The following MAP2K5 variants were observed in gnomAD, a reference collection of about 807,000 sequenced individuals.
MAP2K5 encodes the protein dual specificity mitogen-activated protein kinase kinase 5.
MAP2K5 carries 49 observed loss-of-function variants against 83.1 expected under a neutral mutation model. The ratio of observed to expected loss-of-function variants is 0.59; its 90% CI spans 0.47 to 0.75. The LOEUF (loss-of-function observed/expected upper bound fraction) is 0.75. MAP2K5 is among the 30% of genes least tolerant of loss of function. The probability of loss-of-function intolerance (pLI) is 0.00; values close to 1 mark genes in which losing one functional copy is unlikely to be tolerated. For synonymous variants in MAP2K5, 202 were observed against 191.8 expected (o/e 1.05, Z -0.44); for missense variants, 457 against 557.5 (o/e 0.82, Z 1.82).
intron 11 of MAP2K5, among the ~76,000 whole-genome samples, chr15:67,647,546 A>G (rs751059439): frequency 2.0e-5 from 3 of 152,030 alleles, no homozygotes; most frequent in Non-Finnish European, 4.4e-5. Context: ...CAGGAGTTTG[A>G]GACCAGCATA....
At chr15:67,560,090 A>G (rs2084703804) in intron 2 of MAP2K5, among the ~76,000 whole-genome samples, 1 of 152,230 alleles carries the variant, frequency 6.6e-6, no homozygotes. Flanking sequence ...TTTGTTCAGA[A>G]AAGTATTTTA....
intron 8 of MAP2K5, among the ~76,000 whole-genome samples, chr15:67,612,292 A>G (rs978283759): frequency 2.0e-5 from 3 of 152,140 alleles, no homozygotes; most frequent in Admixed American, 6.6e-5. Flanking sequence ...ATTGGAGAAT[A>G]ACACCTTCCC....
chr15:67,779,534 C>T lies in MAP2K5; in HGVS notation c.1242+6782C>T, dbSNP rs186567423. Among the ~76,000 whole-genome samples the T allele has an allele frequency of 2.6e-4, 39 of 152,332 alleles. No homozygotes were observed. The highest frequency in any genetic ancestry group is 3.9e-4 in the Admixed American group (6 of 15,300). On this transcript the variant is annotated intron_variant, in intron 21 of 21. Coordinates refer to ENST00000178640, the MANE Select transcript of MAP2K5 (RefSeq NM_145160.3). This position sits in a 1 kb window ranked among gnomAD's most constrained non-coding sequence, Gnocchi z 4.6. ...GTATGTATATGTCTTTATATGCATG[C>T]GCATAGCAAGAGAGATATAGATAAA...
rs2090269381 is a variant in MAP2K5 at position 67,778,093 on chromosome 15, A to AGCCTTACATTACCACCTCTT, written c.1242+5342_1242+5343insCCTTACATTACCACCTCTTG. Among the ~76,000 whole-genome samples, 1 of 152,216 alleles carries AGCCTTACATTACCACCTCTT rather than the reference A, an allele frequency of 6.6e-6. No individual in the cohort carries two copies. The highest frequency in any genetic ancestry group is 1.5e-5 in the Non-Finnish European group (1 of 68,046). On this transcript the variant is annotated intron_variant, in intron 21 of 21. Coordinates refer to ENST00000178640, the MANE Select transcript of MAP2K5 (RefSeq NM_145160.3). This position sits in a 1 kb window ranked among gnomAD's most constrained non-coding sequence, Gnocchi z 5.0. Reference sequence around the variant, plus strand: ...TCTCAGCTAAGGCTTTATGTATAAGAGGTGGTAATGTTTGGGGGCTAATAA... The same window carrying AGCCTTACATTACCACCTCTT: ...TCTCAGCTAAGGCTTTATGTATAAGAGCCTTACATTACCACCTCTTGGTGGTAATGTTTGGGGGCTAATAA...
At chr15:67,730,967 A>G (rs1219333561) in intron 17 of MAP2K5, among the ~76,000 whole-genome samples, 1 of 152,184 alleles carries the variant, frequency 6.6e-6, no homozygotes, top group African/African-American at 2.4e-5. Flanking sequence ...TCTAATGCCT[A>G]CCTCTTCTAT....
chr15:67,582,552 G>A (rs546394595), intron 4 of MAP2K5, among the ~76,000 whole-genome samples: 2 of 152,222 alleles, frequency 1.3e-5, no homozygotes, highest in South Asian at 4.2e-4. Flanking sequence ...GGGCACAGTG[G>A]TTCATGCCTG....
chr15:67,582,055 A>ATTTTTTT (rs1233297576), intron 4 of MAP2K5, among the ~76,000 whole-genome samples: 1 of 134,866 alleles, frequency 7.4e-6, no homozygotes. Context: ...GATGTAGATG[A>ATTTTTTT]TTTCTTTTTT....
intron 1 of MAP2K5, among the ~76,000 whole-genome samples, chr15:67,547,077 AACACACACAC>A (rs59269114): frequency 2.1e-5 from 3 of 144,092 alleles, no homozygotes; most frequent in Non-Finnish European, 4.5e-5. Context: ...AAAAGAAGAA[AACACACACAC>A]ACACACACAC....
At chr15:67,740,736 G>T (rs565230891) in intron 17 of MAP2K5, among the ~76,000 whole-genome samples, 9 of 152,268 alleles carry the variant, frequency 5.9e-5, no homozygotes, top group Non-Finnish European at 1.2e-4. Flanking sequence ...TATCAGAAAT[G>T]TGAATGCATG....
intron 17 of MAP2K5, among the ~76,000 whole-genome samples, chr15:67,731,843 C>T (rs149564885): frequency 3.3e-5 from 5 of 152,170 alleles, no homozygotes; most frequent in Admixed American, 1.3e-4. Context: ...GCCCCACAAC[C>T]CTTCTTCTAG....
intron 17 of MAP2K5, among the ~76,000 whole-genome samples, chr15:67,731,692 G>T (rs1316941379): frequency 6.6e-6 from 1 of 152,148 alleles, no homozygotes; most frequent in Non-Finnish European, 1.5e-5. Context: ...GCCAACTCAG[G>T]CTCAGAGAGG....
intron 8 of MAP2K5, among the ~76,000 whole-genome samples, chr15:67,630,326 A>G (rs762014102): frequency 6.6e-6 from 1 of 152,228 alleles, no homozygotes; most frequent in African/African-American, 2.4e-5. Context: ...ATTCTTTTTC[A>G]TAAATGGATA....
rs185333596 is a variant in MAP2K5, at chr15:67,563,151, A to T, written c.185-132A>T. On this transcript the variant is annotated intron_variant, in intron 2 of 21. Coordinates refer to ENST00000178640, the MANE Select transcript of MAP2K5 (RefSeq NM_145160.3). The surrounding 1 kb of genome is among the most constrained non-coding windows in gnomAD (Gnocchi z 4.5). The stretch of plus-strand genomic sequence containing the variant: ...ATGGAAAACAAAACAACAAACTAAT[A>T]ATGTCAACATACCCCCAAAATGTGG... The T allele has an allele frequency of 2.5e-4, 232 of 937,820 alleles. 2 individuals are homozygous for T. In the East Asian group the frequency reaches 6.2e-3, roughly 25 times the overall value. The allele number at this position is 937,820 out of a possible 1,614,324, so 58.1% of individuals were successfully genotyped here.
intron 8 of MAP2K5, among the ~76,000 whole-genome samples, chr15:67,623,779 T>C (rs575410288): frequency 5.4e-4 from 82 of 151,968 alleles, no homozygotes; most frequent in African/African-American, 1.9e-3. Context: ...GTATTTTTAA[T>C]AGAGACGGGG....
intron 19 of MAP2K5, among the ~76,000 whole-genome samples, chr15:67,765,360 A>AC (rs756183760): frequency 1.0e-4 from 14 of 137,350 alleles, no homozygotes; most frequent in Non-Finnish European, 1.9e-4. Context: ...TCCATCTAAT[A>AC]AAATTTTTTT....
chr15:67,764,909 A>C lies in MAP2K5; in HGVS notation c.1135-4693A>C, dbSNP rs927425644. ...GAGTTCTGCTAAGAATCTAGGCCTC[A>C]TCTAATTGTTTAAAAATAGTCCCTA... is the stretch of plus-strand genomic sequence containing the variant. On this transcript the variant is annotated intron_variant, in intron 19 of 21. Coordinates refer to ENST00000178640, the MANE Select transcript of MAP2K5 (RefSeq NM_145160.3). This position sits in a 1 kb window ranked among gnomAD's most constrained non-coding sequence, Gnocchi z 4.9. 2.6e-5 allele frequency among the ~76,000 whole-genome samples: 4 copies of C among 152,232 alleles called. No individual in the cohort carries two copies. Among genetic ancestry groups the C allele is most frequent in the African/African-American group, 9.6e-5 (4 of 41,460 alleles).
At chr15:67,585,802 C>A in intron 4 of MAP2K5, 88 bp from the exon 5 acceptor site, 2 of 1,127,272 alleles carry the variant, frequency 1.8e-6, no homozygotes, top group South Asian at 1.3e-5. Flanking sequence ...ATTTTGGTGT[C>A]ACCCTCATTT....
At chr15:67,582,929 T>G (rs2085212572) in intron 4 of MAP2K5, among the ~76,000 whole-genome samples, 1 of 152,172 alleles carries the variant, frequency 6.6e-6, no homozygotes, top group Admixed American at 6.5e-5. Context: ...CTTTCAAGTT[T>G]TGTTTGTTTT....
At chr15:67,735,638 G>A (rs902904304) in intron 17 of MAP2K5, among the ~76,000 whole-genome samples, 4 of 152,204 alleles carry the variant, frequency 2.6e-5, no homozygotes, top group Non-Finnish European at 5.9e-5. Context: ...AAGAGGAAAA[G>A]GGAGTGGTCA....
Sources: gnomAD v4.1 joint callset for allele counts (sites outside exome capture counted in the v4.1 genomes callset) on GRCh38, gnomAD v4.1.1 for gene constraint, Gnocchi (gnomAD v3.1) non-coding constraint, MANE v1.5 for transcripts, NCBI Gene and HGNC (gene_info 2026-07-23, HGNC 2026-07-21) for gene names.